KYNU: variants seen among roughly 807,000 people sequenced by gnomAD.
KYNU encodes L-kynurenine hydrolase.
A neutral mutation model predicts 59.2 loss-of-function variants in KYNU; 54 were observed. The ratio of observed to expected loss-of-function variants is 0.91; its 90% CI spans 0.73 to 1.14. The LOEUF is 1.14. Ranked by LOEUF, KYNU falls within the 50% of genes most tolerant of loss-of-function variation. The probability of loss-of-function intolerance (pLI) is 0.00; values close to 1 mark genes in which losing one functional copy is unlikely to be tolerated. For synonymous variants in KYNU, 177 were observed against 192.0 expected, an observed-to-expected ratio of 0.92 and a Z score of 0.65; for missense variants, 567 against 554.4, an observed-to-expected ratio of 1.02 and a Z score of -0.23.
intron 2 of KYNU, among the ~76,000 whole-genome samples, chr2:142,911,411 A>G (rs1278669321): frequency 6.6e-6 from 1 of 152,128 alleles, no homozygotes; most frequent in African/African-American, 2.4e-5. Context: ...TGTTGATTTT[A>G]TATTCTGAAA....
intron 4 of KYNU, among the ~76,000 whole-genome samples, chr2:142,946,066 T>G (rs182269856): frequency 6.6e-6 from 1 of 151,796 alleles, no homozygotes; most frequent in Non-Finnish European, 1.5e-5. Flanking sequence ...AACTTTAATT[T>G]TTGTATTTTG....
intron 10 of KYNU, among the ~76,000 whole-genome samples, chr2:143,022,305 C>T (rs953238849): frequency 5.3e-5 from 8 of 152,024 alleles, no homozygotes; most frequent in Non-Finnish European, 7.4e-5. Flanking sequence ...TTTCCTTTAG[C>T]TTTATTAATA....
rs1215190804 is a variant in KYNU at position 143,033,326 on chromosome 2, G to C, written c.1041+5G>C. 6.2e-7 allele frequency: 1 copy of C among 1,604,758 alleles called. No homozygotes were observed. On this transcript the variant is annotated splice_donor_5th_base_variant and intron_variant, in intron 12 of 13. Transcript: ENST00000264170. ...TCCTTGCATGCTAGTTTAGAGGTAA[G>C]TGATGTGTGTTTCAACCTTCCCACA...
chr2:142,905,562 A>C (rs980438306), intron 2 of KYNU, among the ~76,000 whole-genome samples: 13 of 152,206 alleles, frequency 8.5e-5, no homozygotes, highest in African/African-American at 3.1e-4. Flanking sequence ...GTTAGTGTTA[A>C]ATCACCGTTT....
intron 2 of KYNU, among the ~76,000 whole-genome samples, chr2:142,887,656 A>G (rs868022123): frequency 7.9e-5 from 12 of 152,344 alleles, no homozygotes; most frequent in African/African-American, 2.9e-4. Context: ...GAAATAATCC[A>G]GACGCAAAAA....
chr2:142,984,224 A>G (rs1023977796), intron 8 of KYNU, among the ~76,000 whole-genome samples: 1 of 152,004 alleles, frequency 6.6e-6, no homozygotes, highest in African/African-American at 2.4e-5. Context: ...AATTATGTGT[A>G]TTTTCCAAAT....
chr2:143,038,994 A>G lies in KYNU; in HGVS notation c.1042-1434A>G, dbSNP rs547458756. On this transcript the variant is annotated intron_variant, in intron 12 of 13. Coordinates refer to ENST00000264170, the MANE Select transcript of KYNU (RefSeq NM_003937.3). ...TACATAGGATATATTTTTACACTCT[A>G]CTTGACCTTAAGAGATAAGCCAGAA... is the stretch of plus-strand genomic sequence containing the variant. Among the ~76,000 whole-genome samples the G allele has an allele frequency of 4.6e-5, 7 of 152,200 alleles. No homozygotes were observed. The South Asian group carries it at 1.2e-3, about 27-fold the overall frequency.
In KYNU at chr2:142,910,608, T is replaced by C. The variant is rs4408670; in HGVS notation, c.170-8001T>C. The stretch of plus-strand genomic sequence containing the variant: ...TCCCACTTGTCAGTTTGGGGGGTTT[T>C]TGCAATTGTTATTGAGGACTCAGTC... On this transcript the variant is annotated intron_variant, in intron 2 of 13. Transcript: ENST00000264170. Among the ~76,000 whole-genome samples, 60 of 152,274 alleles carry C rather than the reference T, an allele frequency of 3.9e-4. 1 individual carries two copies. In the South Asian group the frequency reaches 0.012, roughly 32 times the overall value.
chr2:142,976,410 G>T lies in KYNU; in HGVS notation c.730-8674G>T, dbSNP rs191608244. Among the ~76,000 whole-genome samples, 22 of 152,260 alleles carry T rather than the reference G, an allele frequency of 1.4e-4. 1 individual carries two copies. In the East Asian group the frequency reaches 4.2e-3, roughly 29 times the overall value. ...TCTCTAGCATTAGCCCACCTGAGTG[G>T]CATGGAGAAGTGTTGTCTCTACCAG... is the stretch of plus-strand genomic sequence containing the variant. On this transcript the variant is annotated intron_variant, in intron 8 of 13. Coordinates refer to ENST00000264170, the MANE Select transcript of KYNU (RefSeq NM_003937.3).
At chr2:142,966,495 C>A (rs910604658) in intron 8 of KYNU, among the ~76,000 whole-genome samples, 3 of 152,130 alleles carry the variant, frequency 2.0e-5, no homozygotes, top group Non-Finnish European at 4.4e-5. Context: ...AGTATCACTG[C>A]ATGCTCAAGA....
At chr2:142,944,200 G>T (rs1235758560) in intron 4 of KYNU, among the ~76,000 whole-genome samples, 2 of 152,322 alleles carry the variant, frequency 1.3e-5, no homozygotes, top group African/African-American at 4.8e-5. Context: ...GTTATGAAAT[G>T]AAGAGAATTA....
At chr2:142,900,031 G>T (rs1276229491) in intron 2 of KYNU, among the ~76,000 whole-genome samples, 3 of 152,140 alleles carry the variant, frequency 2.0e-5, no homozygotes, top group Non-Finnish European at 2.9e-5. Context: ...GGCCTCAAAG[G>T]TTCCAAAGAA....
At chr2:142,931,238 T>C (rs1683205792) in intron 4 of KYNU, among the ~76,000 whole-genome samples, 1 of 152,230 alleles carries the variant, frequency 6.6e-6, no homozygotes, top group Admixed American at 6.5e-5. Context: ...GGGAGAATCG[T>C]ACATTCCCGT....
chr2:142,918,591 AC>A lies in KYNU; in HGVS notation c.170-17del. Reference sequence around the variant, plus strand: ...GCTTTTATTTTTTTTTTTTTTTTTGACATTTCTTCTGTTTCAGTTGATTTAT... The same window carrying A: ...GCTTTTATTTTTTTTTTTTTTTTTGAATTTCTTCTGTTTCAGTTGATTTAT... On this transcript the variant is annotated splice_polypyrimidine_tract_variant and intron_variant, in intron 2 of 13. Transcript: ENST00000264170. 7.0e-7 allele frequency: 1 copy of A among 1,421,490 alleles called. No individual in the cohort carries two copies. Among genetic ancestry groups the A allele is most frequent in the Non-Finnish European group, 9.3e-7 (1 of 1,076,064 alleles). The allele number at this position is 1,421,490 out of a possible 1,614,324, so 88.1% of individuals were successfully genotyped here.
intron 10 of KYNU, among the ~76,000 whole-genome samples, chr2:143,006,342 T>A (rs1685893021): frequency 6.6e-6 from 1 of 151,776 alleles, no homozygotes; most frequent in South Asian, 2.1e-4. Flanking sequence ...ACTGCGCTTT[T>A]CTGATTGACT....
chr2:142,897,090 C>T (rs1681903411), intron 2 of KYNU, among the ~76,000 whole-genome samples: 1 of 152,076 alleles, frequency 6.6e-6, no homozygotes, highest in South Asian at 2.1e-4. Flanking sequence ...CTTTTTATTA[C>T]TGATTTGTAG....
intron 13 of KYNU, among the ~76,000 whole-genome samples, chr2:143,041,351 GT>G (rs1439663355): frequency 6.6e-6 from 1 of 151,990 alleles, no homozygotes; most frequent in African/African-American, 2.4e-5. Flanking sequence ...AGAAATTCAA[GT>G]TTCTAAATCA....
intron 2 of KYNU, among the ~76,000 whole-genome samples, chr2:142,911,755 A>G (rs1412145677): frequency 6.6e-6 from 1 of 152,070 alleles, no homozygotes; most frequent in Non-Finnish European, 1.5e-5. Flanking sequence ...TTTATCATGA[A>G]GGGATATTGG....
intron 10 of KYNU, 37 bp downstream of exon 10, chr2:142,986,058 C>T (rs760815104): frequency 7.1e-7 from 1 of 1,404,590 alleles, no homozygotes; most frequent in Admixed American, 1.7e-5. Context: ...TGGTGATGAA[C>T]AAATTAATTT....
Sources: allele counts gnomAD v4.1 joint callset (sites outside exome capture counted in the v4.1 genomes callset), GRCh38; gene constraint gnomAD v4.1.1; transcripts MANE v1.5; gene names NCBI Gene and HGNC (gene_info 2026-07-23, HGNC 2026-07-21).